Variants in FAM124A observed in about 807,000 individuals in gnomAD.
FAM124A encodes protein FAM124A.
In FAM124A, 23 loss-of-function variants were observed where a neutral mutation model predicts 24.5. The ratio of observed to expected loss-of-function variants is 0.94; its 90% CI spans 0.68 to 1.33. The LOEUF (loss-of-function observed/expected upper bound fraction) is 1.33. Ranked by LOEUF, FAM124A falls within the 40% of genes most tolerant of loss-of-function variation. FAM124A has a pLI of 0.00. For synonymous variants in FAM124A, 287 were observed against 314.7 expected, an observed-to-expected ratio of 0.91 and a Z score of 0.93; for missense variants, 623 against 722.8, an observed-to-expected ratio of 0.86 and a Z score of 1.58.
At chr13:51,271,936 C>A (rs1360572310) in intron 3 of FAM124A, among the ~76,000 whole-genome samples, 1 of 152,146 alleles carries the variant, frequency 6.6e-6, no homozygotes, top group African/African-American at 2.4e-5. Context: ...ACAGTTTAGG[C>A]GTGGATCCTT....
At chr13:51,275,209 CAAAAAAAA>C (rs34573330) in intron 3 of FAM124A, among the ~76,000 whole-genome samples, 16 of 101,932 alleles carry the variant, frequency 1.6e-4, no homozygotes, top group Non-Finnish European at 2.8e-4. Context: ...CCTGTATATA[CAAAAAAAA>C]AAAAAAAAAA....
At chr13:51,278,606 A>AT (rs2137713786) in intron 3 of FAM124A, among the ~76,000 whole-genome samples, 1 of 152,234 alleles carries the variant, frequency 6.6e-6, no homozygotes, top group East Asian at 1.9e-4. Flanking sequence ...TCACAATGCC[A>AT]TATCAGCCTC....
At chr13:51,239,831 T>C (rs555632118) in intron 2 of FAM124A, among the ~76,000 whole-genome samples, 252 of 151,442 alleles carry the variant, frequency 1.7e-3, no homozygotes, top group Middle Eastern at 3.4e-3. Flanking sequence ...TAGATACATA[T>C]GTAGATAGAT....
At chr13:51,278,308 AGTG>A (rs1305506625) in intron 3 of FAM124A, among the ~76,000 whole-genome samples, 4 of 152,208 alleles carry the variant, frequency 2.6e-5, no homozygotes, top group Non-Finnish European at 5.9e-5. Context: ...CCCAGCCTCT[AGTG>A]TTTCTGGTCA....
intron 2 of FAM124A, among the ~76,000 whole-genome samples, chr13:51,234,763 T>C (rs1255433453): frequency 5.9e-5 from 9 of 152,202 alleles, no homozygotes; most frequent in Non-Finnish European, 8.8e-5. Context: ...AGCCTGGGCA[T>C]CCTCTCTCGT....
chr13:51,231,197 T>C (rs561456280), intron 1 of FAM124A, 151 bp from the exon 2 acceptor site: 6 of 819,324 alleles, frequency 7.3e-6, no homozygotes, highest in Non-Finnish European at 1.2e-5. Flanking sequence ...CATAACTTTA[T>C]TTTGCATAAA....
At position 51,283,000 on chromosome 13, in the gene FAM124A, G is replaced by A. The variant is rs1224551142; in HGVS notation, c.*1744G>A. The A allele has an allele frequency of 2.0e-5, 3 of 152,140 alleles. No individual in the cohort carries two copies. In the East Asian group the frequency reaches 5.8e-4, roughly 29 times the overall value. The allele number at this position is 152,140 out of a possible 1,614,324, so 9.4% of individuals were successfully genotyped here. On this transcript the variant is annotated 3_prime_UTR_variant, in exon 4 of 4. Coordinates refer to ENST00000322475, the MANE Select transcript of FAM124A (RefSeq NM_001242312.2). ...CACTGTAGTATGAAAGCAGCCATGA[G>A]TAATATGTTAATGAATGGGAATGGC...
chr13:51,240,506 A>C (rs1566163590), intron 2 of FAM124A, among the ~76,000 whole-genome samples: 1 of 152,200 alleles, frequency 6.6e-6, no homozygotes, highest in Non-Finnish European at 1.5e-5. Context: ...TTTCTCTACA[A>C]GTCCATATTT....
chr13:51,245,080 C>G (rs1251294740), intron 2 of FAM124A, among the ~76,000 whole-genome samples: 40 of 152,200 alleles, frequency 2.6e-4, no homozygotes, highest in Non-Finnish European at 5.9e-5. Context: ...AAGAGAAAGG[C>G]TATCTCCTGC....
At chr13:51,237,103 A>G (rs1396184537) in intron 2 of FAM124A, among the ~76,000 whole-genome samples, 1 of 152,208 alleles carries the variant, frequency 6.6e-6, no homozygotes, top group Non-Finnish European at 1.5e-5. Context: ...GTCATAAAGA[A>G]AAGTCACCAA....
chr13:51,253,277 A>G (rs1954644073), intron 3 of FAM124A: 1 of 152,234 alleles, frequency 6.6e-6, no homozygotes, highest in Non-Finnish European at 1.5e-5. Flanking sequence ...TATAATCCAC[A>G]TATCATGAAA....
intron 3 of FAM124A, among the ~76,000 whole-genome samples, chr13:51,276,276 C>A (rs1020743066): frequency 6.6e-6 from 1 of 152,108 alleles, no homozygotes; most frequent in Non-Finnish European, 1.5e-5. Context: ...CACTTTGCTG[C>A]CATTTTACCA....
intron 3 of FAM124A, among the ~76,000 whole-genome samples, chr13:51,259,144 C>T (rs933870688): frequency 2.0e-5 from 3 of 152,180 alleles, no homozygotes; most frequent in African/African-American, 7.2e-5. Context: ...CTTGCTCTAC[C>T]TCAGGACGCT....
chr13:51,252,212 G>T lies in FAM124A; in HGVS notation c.834+11G>T, dbSNP rs762890811. The T allele has an allele frequency of 1.2e-6, 2 of 1,609,250 alleles. No individual in the cohort carries two copies. Among genetic ancestry groups the T allele is most frequent in the East Asian group, 4.5e-5 (2 of 44,782 alleles). Reference sequence around the variant, plus strand: ...AAGATCCTCCTACAGGTACTGGGGGGACGCCTGTCTGTCTGTTTAGGGGAC... The same window carrying T: ...AAGATCCTCCTACAGGTACTGGGGGTACGCCTGTCTGTCTGTTTAGGGGAC... On this transcript the variant is annotated intron_variant, in intron 3 of 3. Transcript: ENST00000322475.
intron 3 of FAM124A, among the ~76,000 whole-genome samples, chr13:51,266,947 C>T (rs1202632443): frequency 6.6e-6 from 1 of 152,196 alleles, no homozygotes; most frequent in East Asian, 1.9e-4. Flanking sequence ...GCTCAGAATA[C>T]ATCAGTAAAC....
At chr13:51,263,623 A>G (rs1336679474) in intron 3 of FAM124A, among the ~76,000 whole-genome samples, 3 of 152,170 alleles carry the variant, frequency 2.0e-5, no homozygotes, top group African/African-American at 7.2e-5. Flanking sequence ...AAACCCTCCA[A>G]TCCCCTTTGA....
chr13:51,275,961 G>A (rs965361939), intron 3 of FAM124A, among the ~76,000 whole-genome samples: 1 of 152,190 alleles, frequency 6.6e-6, no homozygotes, highest in African/African-American at 2.4e-5. Flanking sequence ...TTTTGTCTCC[G>A]AAGATGGCAG....
rs532340338 is a variant in FAM124A, at chr13:51,278,811, TAC to T, written c.835-1635_835-1634del. The stretch of plus-strand genomic sequence containing the variant: ...ACAGTCGTGAAAATCTCTGCAAAAC[TAC>T]ACAGTGTTCATCCTCCATCAGTTGT... On this transcript the variant is annotated intron_variant, in intron 3 of 3. Coordinates refer to ENST00000322475, the MANE Select transcript of FAM124A (RefSeq NM_001242312.2). 1.6e-4 allele frequency among the ~76,000 whole-genome samples: 24 copies of T among 152,294 alleles called. No individual in the cohort carries two copies. In the South Asian group the frequency reaches 5.0e-3, roughly 32 times the overall value.
At chr13:51,249,702 C>G (rs1954599207) in intron 2 of FAM124A, among the ~76,000 whole-genome samples, 2 of 152,218 alleles carry the variant, frequency 1.3e-5, no homozygotes, top group South Asian at 4.1e-4. Context: ...TTCACAGTGA[C>G]TTTAGAATCT....
Sources: allele counts gnomAD v4.1 joint callset (sites outside exome capture counted in the v4.1 genomes callset), GRCh38; gene constraint gnomAD v4.1.1; transcripts MANE v1.5; gene names NCBI Gene and HGNC (gene_info 2026-07-23, HGNC 2026-07-21).